Variants in EDEM2 observed in about 807,000 individuals in gnomAD.
The protein encoded by EDEM2 is ER degradation enhancing alpha-mannosidase like protein 2.
A neutral mutation model predicts 64.8 loss-of-function variants in EDEM2; 39 were observed. The observed-to-expected ratio is 0.60, with a 90% CI of 0.47 to 0.79. EDEM2 has a LOEUF of 0.79. Ranked by LOEUF, EDEM2 falls within the 30% of genes least tolerant of loss-of-function variation. The pLI is 0.00. For synonymous variants in EDEM2, 296 were observed against 291.5 expected (o/e 1.02, Z -0.16); for missense variants, 609 against 731.3 (o/e 0.83, Z 1.93).
chr20:35,135,528 G>C (rs1183768177), intron 5 of EDEM2, among the ~76,000 whole-genome samples: 2 of 152,198 alleles, frequency 1.3e-5, no homozygotes, highest in African/African-American at 4.8e-5. Flanking sequence ...GTGCACGCCT[G>C]TAATTCTGGC....
chr20:35,147,265 C>T lies in EDEM2; in HGVS notation c.-7G>A. On this transcript the variant is annotated 5_prime_UTR_variant, in exon 1 of 11. Coordinates refer to ENST00000374492, the MANE Select transcript of EDEM2 (RefSeq NM_018217.3). ...TGAGCAGCCGGAAAGGCATAGAGCT[C>T]GTGTCCTCTCAGCGCCCCCGCAGCA... 1 of 1,537,422 alleles carries T rather than the reference C, an allele frequency of 6.5e-7. No individual in the cohort carries two copies. The highest frequency in any genetic ancestry group is 8.8e-7 in the Non-Finnish European group (1 of 1,138,672).
At chr20:35,129,596 G>A (rs2085481685) in intron 7 of EDEM2, among the ~76,000 whole-genome samples, 2 of 151,636 alleles carry the variant, frequency 1.3e-5, no homozygotes, top group Admixed American at 1.3e-4. Flanking sequence ...ATTTATTACT[G>A]GAGAAAGAAA....
At chr20:35,141,813 C>T (rs2085658153) in intron 4 of EDEM2, among the ~76,000 whole-genome samples, 1 of 152,072 alleles carries the variant, frequency 6.6e-6, no homozygotes, top group African/African-American at 2.4e-5. Context: ...CTATGGGCTG[C>T]CAAGTTTGGA....
At position 35,137,906 on chromosome 20, in the gene EDEM2, T is replaced by G; in HGVS notation, c.464A>C (p.Glu155Ala). 2 of 1,614,182 alleles carry G rather than the reference T, an allele frequency of 1.2e-6. No individual in the cohort carries two copies. The highest frequency in any genetic ancestry group is 1.1e-5 in the South Asian group (1 of 91,082). ...PCSGPLLRMA[E>A]EAARKLLPAF... The stretch of plus-strand genomic sequence containing the variant: ...TGGGAGGAGTTTTCGGGCCGCCTCC[T>G]CAGCCATTCTCAGGAGAGGCCCGGA... The change falls in exon 5 of 11, where the codon GAG (glutamate) becomes GCG (alanine). Residue 155 changes from glutamate (E) to alanine (A), a missense_variant. Glu to Ala is a moderately radical substitution (Grantham distance 107). Coordinates refer to ENST00000374492, the MANE Select transcript of EDEM2 (RefSeq NM_018217.3).
rs1033294401 is a variant in EDEM2, at chr20:35,144,912, C to A, written c.258+67G>T. 27 of 1,555,114 alleles carry A rather than the reference C, an allele frequency of 1.7e-5. No homozygotes were observed. The Admixed American group carries it at 4.3e-4, about 25-fold the overall frequency. The stretch of plus-strand genomic sequence containing the variant: ...AATTCATTTTTCACCCACAGTCACG[C>A]TGCCAAAAGAGGAAGGATGTTGGTT... On this transcript the variant is annotated intron_variant, in intron 3 of 10. Transcript: ENST00000374492.
chr20:35,125,648 C>T (rs1440819036), intron 8 of EDEM2, among the ~76,000 whole-genome samples: 3 of 152,206 alleles, frequency 2.0e-5, no homozygotes, highest in Middle Eastern at 6.8e-3. Context: ...CCTGCCAAAG[C>T]GCTGGGATTA....
chr20:35,140,640 CAGG>C (rs1395905821), intron 4 of EDEM2, among the ~76,000 whole-genome samples: 5 of 152,056 alleles, frequency 3.3e-5, no homozygotes, highest in Admixed American at 6.5e-5. Context: ...TTGCATTATT[CAGG>C]AGGAGAACAA....
chr20:35,122,085 G>A (rs2085376497), intron 9 of EDEM2, among the ~76,000 whole-genome samples: 2 of 151,956 alleles, frequency 1.3e-5, no homozygotes, highest in Non-Finnish European at 1.5e-5. Flanking sequence ...CACTGCATCT[G>A]GCCAGTAGTG....
intron 4 of EDEM2, among the ~76,000 whole-genome samples, chr20:35,141,666 G>A (rs1014361812): frequency 2.6e-5 from 4 of 152,170 alleles, no homozygotes; most frequent in African/African-American, 9.7e-5. Context: ...ATGCAAATAA[G>A]GGCTGTGCTG....
In EDEM2 at chr20:35,123,891, T is replaced by A; in HGVS notation, c.1113A>T (p.Pro371=). The A allele has an allele frequency of 6.2e-7, 1 of 1,613,792 alleles. No homozygotes were observed. The highest frequency in any genetic ancestry group is 8.5e-7 in the Non-Finnish European group (1 of 1,179,908). ...VEKREGYPLR[P]ELIESAMYLY... ...TGACAAGCCAGAAATGCTGCTCACC[T>A]GGCCGAAGTGGGTAGCCCTCTCGCT... The change falls in exon 9 of 11, where the codon CCA becomes CCT. Residue 371 remains proline (P), a splice_region_variant and synonymous_variant. Coordinates refer to ENST00000374492, the MANE Select transcript of EDEM2 (RefSeq NM_018217.3).
chr20:35,126,100 A>G, intron 8 of EDEM2, 151 bp downstream of exon 8: 2 of 1,040,066 alleles, frequency 1.9e-6, no homozygotes, highest in Non-Finnish European at 1.4e-6. Flanking sequence ...AATCTATCTA[A>G]TTCACTCTAG....
Position 35,115,605 on chromosome 20 carries a change from G to A in EDEM2, c.1565C>T (p.Ser522Leu), listed in dbSNP as rs146309337. The A allele has an allele frequency of 2.2e-4, 351 of 1,613,564 alleles. No individual in the cohort carries two copies. Among genetic ancestry groups the A allele is most frequent in the Non-Finnish European group, 2.8e-4 (325 of 1,180,016 alleles). ...CCTTGCTGGAGGTTCCCATGGCCCC[G>A]AACTAACAGTGTTTTTCTGAAATTT... ...RSKFQKNTVS[S>L]GPWEPPARPG... Residue 522 changes from serine (S) to leucine (L), a missense_variant, in exon 11 of 11, where the codon TCG becomes TTG. Ser to Leu is a moderately radical substitution (Grantham distance 145). Transcript: ENST00000374492.
intron 5 of EDEM2, 50 bp from the exon 6 acceptor site, chr20:35,134,999 T>C: frequency 6.3e-7 from 1 of 1,576,784 alleles, no homozygotes; most frequent in Non-Finnish European, 8.7e-7. Context: ...GGGATAGGGA[T>C]AGTTCTGATA....
At chr20:35,120,593 C>CTTTTTTTT (rs5841194) in intron 9 of EDEM2, among the ~76,000 whole-genome samples, 1 of 95,104 alleles carries the variant, frequency 1.1e-5, no homozygotes, top group Non-Finnish European at 2.1e-5. Context: ...TCGGCTTCTT[C>CTTTTTTTT]TTTTTTTTTT....
chr20:35,131,885 GC>G, intron 6 of EDEM2, 102 bp from the exon 7 acceptor site: 2 of 1,389,610 alleles, frequency 1.4e-6, no homozygotes, highest in Admixed American at 2.3e-5. Context: ...CAGGGCAGGT[GC>G]CCCAGTGCTT....
chr20:35,131,025 C>T (rs1247888095), intron 7 of EDEM2, among the ~76,000 whole-genome samples: 5 of 152,134 alleles, frequency 3.3e-5, no homozygotes, highest in African/African-American at 1.2e-4. Flanking sequence ...GGCAAGGCGA[C>T]ATTTAAGTTA....
At chr20:35,134,406 A>G (rs927759232) in intron 6 of EDEM2, among the ~76,000 whole-genome samples, 10 of 152,204 alleles carry the variant, frequency 6.6e-5, no homozygotes, top group African/African-American at 2.4e-4. Context: ...GATAGACGCT[A>G]AAAATGAAGG....
At chr20:35,145,396 C>T (rs1450722980) in intron 2 of EDEM2, among the ~76,000 whole-genome samples, 1 of 152,152 alleles carries the variant, frequency 6.6e-6, no homozygotes, top group East Asian at 1.9e-4. Flanking sequence ...CTTAGAACAG[C>T]AAGAGGCTGG....
intron 9 of EDEM2, among the ~76,000 whole-genome samples, chr20:35,119,566 A>G (rs1390763590): frequency 6.6e-6 from 1 of 152,212 alleles, no homozygotes. Context: ...GCGGCACTCC[A>G]GCCTGGATGA....
Sources: gnomAD v4.1 joint callset for allele counts (sites outside exome capture counted in the v4.1 genomes callset) on GRCh38, gnomAD v4.1.1 for gene constraint, MANE v1.5 for transcripts, NCBI Gene and HGNC (gene_info 2026-07-23, HGNC 2026-07-21) for gene names.